Variants in HOOK2 observed in about 807,000 individuals in gnomAD.
The protein encoded by HOOK2 is hook microtubule tethering protein 2.
HOOK2 carries 108 observed loss-of-function variants against 111.9 expected under a neutral mutation model. That is an observed-to-expected ratio of 0.96 (90% CI 0.83 to 1.13). The LOEUF is 1.13. Among genes scored for constraint, HOOK2 ranks in the 50% most tolerant of loss-of-function variants. HOOK2 has a pLI of 0.00. For synonymous variants in HOOK2, 405 were observed against 394.3 expected, an observed-to-expected ratio of 1.03 and a Z score of -0.32; for missense variants, 978 against 951.3, an observed-to-expected ratio of 1.03 and a Z score of -0.37.
rs1968433607 is a variant in HOOK2 at position 12,774,483 on chromosome 19, G to GTTAT, written c.204+182_204+185dup. 1.6e-5 allele frequency: 10 copies of GTTAT among 645,026 alleles called. No homozygotes were observed. The South Asian group carries it at 1.8e-4, about 11-fold the overall frequency. The allele number at this position is 645,026 out of a possible 1,614,324, so 40.0% of individuals were successfully genotyped here. On this transcript the variant is annotated intron_variant, in intron 3 of 22. Transcript: ENST00000397668. The stretch of plus-strand genomic sequence containing the variant: ...CTGTGTGGGGCAGGTTTTTGTCTGT[G>GTTAT]TTATTCCTTGCTGAATGCCCAGGCC...
chr19:12,769,871 CCCGCCGCACCTG>C lies in HOOK2; in HGVS notation c.1102_1104+9del. ...GCGGGGCCCCGGCCCTAACCCCGCCCCCGCCGCACCTGCCGCCGCTGCGCCTCCAGCTGGGCG... is the reference window on the plus strand; with the variant it reads ...GCGGGGCCCCGGCCCTAACCCCGCCCCCGCCGCTGCGCCTCCAGCTGGGCG... On this transcript the variant is annotated splice_donor_variant and splice_donor_5th_base_variant and coding_sequence_variant and intron_variant, in exon 11 of 23. Transcript: ENST00000397668. LOFTEE classifies it high-confidence loss of function. 7.0e-7 allele frequency: 1 copy of C among 1,423,412 alleles called. No homozygotes were observed. The highest frequency in any genetic ancestry group is 9.1e-7 in the Non-Finnish European group (1 of 1,098,716). 88.2% of individuals were successfully genotyped at this position (1,423,412 alleles called of 1,614,324 possible). A position where few individuals can be genotyped will look rare whatever the true frequency, so the allele number is the denominator to read the frequency against.
At chr19:12,784,595 GACAA>G (rs1968638754) in intron 3 of HOOK2, 1 of 152,446 alleles carries the variant, frequency 6.6e-6, no homozygotes, top group Non-Finnish European at 1.5e-5. Flanking sequence ...CACACATGGA[GACAA>G]ACACAATAGG....
chr19:12,769,079 C>A (rs1050809459), intron 11 of HOOK2, among the ~76,000 whole-genome samples: 1 of 151,860 alleles, frequency 6.6e-6, no homozygotes, highest in East Asian at 1.9e-4. Context: ...CATTCTCCTG[C>A]CTCAGCCTCC....
intron 11 of HOOK2, among the ~76,000 whole-genome samples, chr19:12,769,193 C>T (rs1968242651): frequency 6.6e-6 from 1 of 151,818 alleles, no homozygotes; most frequent in African/African-American, 2.4e-5. Flanking sequence ...TCTCGATCTC[C>T]TGACCTCGGG....
chr19:12,773,628 C>T (rs1968404464), intron 3 of HOOK2, among the ~76,000 whole-genome samples: 1 of 152,154 alleles, frequency 6.6e-6, no homozygotes, highest in Non-Finnish European at 1.5e-5. Context: ...CCCTACCCAT[C>T]CATCTTTACC....
At chr19:12,785,490 TACAC>T (rs899095930) in intron 3 of HOOK2, among the ~76,000 whole-genome samples, 1 of 151,510 alleles carries the variant, frequency 6.6e-6, no homozygotes, top group East Asian at 1.9e-4. Flanking sequence ...CAAACACACA[TACAC>T]ACCGACACAA....
intron 18 of HOOK2, 85 bp from the exon 19 acceptor site, chr19:12,765,166 A>G (rs1968111230): frequency 7.5e-7 from 1 of 1,335,886 alleles, no homozygotes. Flanking sequence ...CCTCCCCGCC[A>G]GCCAGAAATG....
intron 1 of HOOK2, 64 bp downstream of exon 1, chr19:12,775,341 G>A: frequency 6.3e-7 from 1 of 1,582,450 alleles, no homozygotes; most frequent in East Asian, 2.3e-5. Flanking sequence ...ACCGAACCAG[G>A]GCCAGGGATC....
upstream of HOOK2, among the ~76,000 whole-genome samples, chr19:12,779,699 T>G (rs1321362106): frequency 1.3e-5 from 2 of 152,036 alleles, no homozygotes; most frequent in Non-Finnish European, 2.9e-5. Context: ...GATCTGTGAC[T>G]GTGTGTACAC....
chr19:12,771,798 C>A (rs944560116), intron 7 of HOOK2: 3 of 367,516 alleles, frequency 8.2e-6, no homozygotes, highest in African/African-American at 6.2e-5. Flanking sequence ...AGGAGAATCG[C>A]TTGAACCCGG....
intron 3 of HOOK2, among the ~76,000 whole-genome samples, chr19:12,784,163 G>A (rs1378258494): frequency 2.0e-5 from 3 of 152,170 alleles, no homozygotes; most frequent in Non-Finnish European, 4.4e-5. Flanking sequence ...CCCTCCCGGG[G>A]CAGGGCAGAC....
upstream of HOOK2, among the ~76,000 whole-genome samples, chr19:12,779,640 G>A (rs1599517020): frequency 6.6e-6 from 1 of 152,204 alleles, no homozygotes; most frequent in East Asian, 1.9e-4. Context: ...TCAGGCGTGA[G>A]CCACGGCGCC....
chr19:12,774,517 G>A (rs1234719043), intron 3 of HOOK2, 152 bp downstream of exon 3: 4 of 745,714 alleles, frequency 5.4e-6, no homozygotes, highest in Middle Eastern at 4.6e-4. Context: ...CCTGGCACAG[G>A]GTGAGTACTC....
At chr19:12,792,141 G>T (rs541000941) in intron 3 of HOOK2, 6 of 1,596,558 alleles carry the variant, frequency 3.8e-6, no homozygotes, top group South Asian at 3.4e-5. Context: ...TGCAGGGGGC[G>T]CAGGGGGCGG....
chr19:12,767,392 T>A lies in HOOK2; in HGVS notation c.1373+3A>T. ...GCCAGAGTTTTGAGTGACCCCAGGA[T>A]ACCTGAGCTCCGCAGGCAGGATCTC... On this transcript the variant is annotated splice_donor_region_variant and intron_variant, in intron 14 of 22. Coordinates refer to ENST00000397668, the MANE Select transcript of HOOK2 (RefSeq NM_013312.3). 6.2e-7 allele frequency: 1 copy of A among 1,613,556 alleles called. No homozygotes were observed.
chr19:12,781,543 G>C (rs146508990), upstream of HOOK2, among the ~76,000 whole-genome samples: 627 of 151,964 alleles, frequency 4.1e-3, 1 homozygote, highest in Middle Eastern at 0.017. Context: ...AGCCAGGATG[G>C]TCTCGATCTC....
chr19:12,790,416 G>C lies in HOOK2; in HGVS notation n.42-16191C>G, dbSNP rs1402228016. ...CGACCGCGCCCCAGCCGTCGGGCTG[G>C]GTCCAGGCTCTAGGAGCCGACACGG... is the stretch of plus-strand genomic sequence containing the variant. On this transcript the variant is annotated intron_variant and non_coding_transcript_variant, in intron 3 of 3. Coordinates refer to the HOOK2 transcript ENST00000589765. This position sits in a 1 kb window ranked among gnomAD's most constrained non-coding sequence, Gnocchi z 7.2. Among the ~76,000 whole-genome samples the C allele has an allele frequency of 6.6e-6, 1 of 152,244 alleles. No individual in the cohort carries two copies. The highest frequency in any genetic ancestry group is 1.5e-5 in the Non-Finnish European group (1 of 68,040).
Position 12,791,528 on chromosome 19 carries a change from A to C in HOOK2, n.42-17303T>G. On this transcript the variant is annotated intron_variant and non_coding_transcript_variant, in intron 3 of 3. Transcript: ENST00000589765. This position sits in a 1 kb window ranked among gnomAD's most constrained non-coding sequence, Gnocchi z 7.0. Reference sequence around the variant, plus strand: ...CAGGCCAGCCTCGGAGCCAGCAGGGAGCTGGGAGCTGGGGGAAACGACGCC... The same window carrying C: ...CAGGCCAGCCTCGGAGCCAGCAGGGCGCTGGGAGCTGGGGGAAACGACGCC... 2.2e-6 allele frequency: 1 copy of C among 455,002 alleles called. No individual in the cohort carries two copies. Among genetic ancestry groups the C allele is most frequent in the South Asian group, 3.6e-5 (1 of 27,550 alleles). 28.2% of individuals were successfully genotyped at this position (455,002 alleles called of 1,614,324 possible).
chr19:12,767,551 G>T, intron 13 of HOOK2, 87 bp from the exon 14 acceptor site: 2 of 1,176,994 alleles, frequency 1.7e-6, no homozygotes, highest in Non-Finnish European at 2.5e-6. Context: ...ATCTTTTGGG[G>T]CTTCAAGTTC....
Sources: allele counts gnomAD v4.1 joint callset (sites outside exome capture counted in the v4.1 genomes callset), GRCh38; gene constraint gnomAD v4.1.1; non-coding constraint Gnocchi (gnomAD v3.1); transcripts MANE v1.5; gene names NCBI Gene and HGNC (gene_info 2026-07-23, HGNC 2026-07-21).